SUPT6H: variants seen among roughly 807,000 people sequenced by gnomAD.
SUPT6H encodes SPT6 homolog, histone chaperone and transcription elongation factor, also known as transcription elongation factor SPT6.
In SUPT6H, 11 loss-of-function variants were observed where a neutral mutation model predicts 222.3. That is an observed-to-expected ratio of 0.05 (90% CI 0.03 to 0.08). The LOEUF (loss-of-function observed/expected upper bound fraction) is 0.08, where lower values mean the gene tolerates loss of function less well. Among genes scored for constraint, SUPT6H ranks in the 10% least tolerant of loss-of-function variants. The pLI is 1.00. For synonymous variants in SUPT6H, 762 were observed against 801.2 expected (o/e 0.95, Z 0.83); for missense variants, 1,422 against 2,216.0 (o/e 0.64, Z 7.19).
chr17:28,680,866 C>G (rs2031064410), intron 11 of SUPT6H, among the ~76,000 whole-genome samples: 1 of 152,150 alleles, frequency 6.6e-6, no homozygotes, highest in Non-Finnish European at 1.5e-5. Context: ...CCAGGATGGT[C>G]TCTATCTCCT....
rs111456601 is a variant in SUPT6H at position 28,683,287 on chromosome 17, A to G, written c.1898A>G (p.Tyr633Cys). The G allele has an allele frequency of 5.0e-6, 8 of 1,614,044 alleles. No individual in the cohort carries two copies. The highest frequency in any genetic ancestry group is 1.6e-4 in the Middle Eastern group (1 of 6,084). ...KGRKDVDEAH[Y>C]AYSFKYLKNK... ...GTGCAGGATGTGGATGAGGCCCACT[A>G]TGCCTATTCCTTCAAGTATTTAAAG... The change falls in exon 16 of 37, where the codon TAT (tyrosine) becomes TGT (cysteine). Residue 633 changes from tyrosine (Y) to cysteine (C), a missense_variant. Around this residue, in one of 13 missense-constraint regions of SUPT6H, gnomAD observed 121 missense variants for 158.0 expected, o/e 0.77. Transcript: ENST00000314616.
chr17:28,664,373 C>T (rs778463423), intron 1 of SUPT6H, among the ~76,000 whole-genome samples: 3 of 152,110 alleles, frequency 2.0e-5, no homozygotes, highest in South Asian at 2.1e-4. Flanking sequence ...CCGGGCGTGG[C>T]GACACGCCTG....
chr17:28,687,281 T>A, intron 22 of SUPT6H, 23 bp from the exon 23 acceptor site: 1 of 1,614,152 alleles, frequency 6.2e-7, no homozygotes. Context: ...GTAACCTTAC[T>A]CCTGCCTGCT....
In SUPT6H at chr17:28,686,403, C is replaced by G. The variant is rs774099045; in HGVS notation, c.2552C>G (p.Ala851Gly). Residue 851 changes from alanine to glycine, a missense_variant, in exon 20 of 37, where the codon GCA (alanine) becomes GGA (glycine). Ala to Gly is a moderately conservative substitution (Grantham distance 60). This residue lies in a region of SUPT6H where 294 missense variants were observed against 382.1 expected (regional missense o/e 0.77). Coordinates refer to ENST00000314616, the MANE Select transcript of SUPT6H (RefSeq NM_003170.5). ...AAGAAGCCTCATGTAGTGACAGTTGCAGGAGAGAACAGGTAGGTAGGGATT... is the reference window on the plus strand; with the variant it reads ...AAGAAGCCTCATGTAGTGACAGTTGGAGGAGAGAACAGGTAGGTAGGGATT... ...LNKKPHVVTVAGENRDAQMLI... is the reference protein window; with the variant it reads ...LNKKPHVVTVGGENRDAQMLI... The G allele has an allele frequency of 1.9e-6, 3 of 1,614,130 alleles. No individual in the cohort carries two copies. Among genetic ancestry groups the G allele is most frequent in the Admixed American group, 3.3e-5 (2 of 60,016 alleles).
chr17:28,684,550 T>C (rs375562088), intron 17 of SUPT6H, 36 bp from the exon 18 acceptor site: 111 of 1,612,714 alleles, frequency 6.9e-5, no homozygotes, highest in Non-Finnish European at 9.2e-5. Context: ...CATAATGTCA[T>C]CATGTATGTA....
intron 35 of SUPT6H, 149 bp from the exon 36 acceptor site, chr17:28,700,792 C>T (rs2032099197): frequency 5.7e-6 from 6 of 1,056,890 alleles, no homozygotes; most frequent in Admixed American, 2.3e-5. Flanking sequence ...TGCTGACCTG[C>T]AGGCTTCCCA....
chr17:28,689,027 A>C, intron 24 of SUPT6H: 1 of 218,208 alleles, frequency 4.6e-6, no homozygotes. Context: ...CCCACCCCCC[A>C]GAGATAACTA....
chr17:28,675,262 G>A (rs1201490310), intron 5 of SUPT6H, 100 bp downstream of exon 5: 1 of 1,486,168 alleles, frequency 6.7e-7, no homozygotes, highest in Non-Finnish European at 9.2e-7. Flanking sequence ...ACATCCCCCA[G>A]CATTTGACAC....
At chr17:28,690,051 C>T (rs1332214531) in intron 25 of SUPT6H, 31 bp from the exon 26 acceptor site, 1 of 1,596,628 alleles carries the variant, frequency 6.3e-7, no homozygotes, top group Admixed American at 1.7e-5. Context: ...GGGGCAGCTG[C>T]AAGGCTCTTC....
Position 28,684,835 on chromosome 17 carries a change from G to T in SUPT6H, c.2370-9G>T, listed in dbSNP as rs1414657702. The T allele has an allele frequency of 6.2e-7, 1 of 1,614,052 alleles. No individual in the cohort carries two copies. Among genetic ancestry groups the T allele is most frequent in the South Asian group, 1.1e-5 (1 of 91,062 alleles). On this transcript the variant is annotated splice_polypyrimidine_tract_variant and intron_variant, in intron 18 of 36. Transcript: ENST00000314616. ...TTATTGCATTCTTGTTTTTCTGTCTGTCTGGCAGAGATCACCCTGTGTTCT... is the reference window on the plus strand; with the variant it reads ...TTATTGCATTCTTGTTTTTCTGTCTTTCTGGCAGAGATCACCCTGTGTTCT...
At chr17:28,699,671 CT>C (rs1299184484) in intron 32 of SUPT6H, 109 bp from the exon 33 acceptor site, 1 of 902,294 alleles carries the variant, frequency 1.1e-6, no homozygotes, top group Non-Finnish European at 1.9e-6. Flanking sequence ...GTCATCTCTC[CT>C]TTCCCCTAGC....
At chr17:28,668,205 G>A (rs1483530411) in intron 1 of SUPT6H, among the ~76,000 whole-genome samples, 2 of 152,164 alleles carry the variant, frequency 1.3e-5, no homozygotes, top group Non-Finnish European at 2.9e-5. Context: ...TATTCCAGTT[G>A]CAAATTTAAC....
rs2031396049 is a variant in SUPT6H, at chr17:28,686,660, C to T, written c.2571C>T (p.Ala857=). ...CCAACACTCATCCCACCAGGGACGC[C>T]CAGATGTTGATTGAAGATGTGAAGC... ...VVTVAGENRD[A]QMLIEDVKRI... The change falls in exon 21 of 37, where the codon GCC becomes GCT. Residue 857 remains alanine, a synonymous_variant. Coordinates refer to ENST00000314616, the MANE Select transcript of SUPT6H (RefSeq NM_003170.5). 1.3e-6 allele frequency: 2 copies of T among 1,595,378 alleles called. No individual in the cohort carries two copies. Among genetic ancestry groups the T allele is most frequent in the Non-Finnish European group, 1.7e-6 (2 of 1,172,276 alleles).
chr17:28,699,760 T>G (rs1240479952), intron 32 of SUPT6H, 21 bp from the exon 33 acceptor site: 8 of 1,607,766 alleles, frequency 5.0e-6, no homozygotes, highest in Non-Finnish European at 2.6e-6. Flanking sequence ...TTCTGATGCA[T>G]GTTTCCTTCT....
chr17:28,669,313 T>A (rs1249706797), intron 1 of SUPT6H, among the ~76,000 whole-genome samples: 1 of 152,094 alleles, frequency 6.6e-6, no homozygotes, highest in African/African-American at 2.4e-5. Flanking sequence ...TGCTTCAGCC[T>A]CCTGAATAGC....
At chr17:28,669,831 G>A (rs1184223504) in intron 1 of SUPT6H, among the ~76,000 whole-genome samples, 2 of 152,230 alleles carry the variant, frequency 1.3e-5, no homozygotes, top group Non-Finnish European at 2.9e-5. Flanking sequence ...ACCTACTCGG[G>A]AGGCTGAGGC....
intron 1 of SUPT6H, among the ~76,000 whole-genome samples, chr17:28,664,458 T>C (rs60296141): frequency 0.014 from 2,203 of 152,302 alleles, 41 homozygotes; most frequent in African/African-American, 0.05. Flanking sequence ...TGAGCAGAGA[T>C]CATGCCACTG....
In SUPT6H at chr17:28,697,895, T is replaced by C; in HGVS notation, c.4324-11T>C. On this transcript the variant is annotated splice_polypyrimidine_tract_variant and intron_variant, in intron 31 of 36. Coordinates refer to ENST00000314616, the MANE Select transcript of SUPT6H (RefSeq NM_003170.5). ...TGCTATCCCAACCTCTCCCCCTCAT[T>C]CTACCCCCAGAAATTAGAGGAGCTG... The C allele has an allele frequency of 1.2e-6, 2 of 1,613,618 alleles. No homozygotes were observed. Among genetic ancestry groups the C allele is most frequent in the Non-Finnish European group, 1.7e-6 (2 of 1,179,836 alleles).
At position 28,695,447 on chromosome 17, in the gene SUPT6H, C is replaced by A; in HGVS notation, c.3870C>A (p.Asn1290Lys). Reference protein sequence around the residue: ...TCRTSDLMDRNNEWKLPKDTY... With the variant: ...TCRTSDLMDRKNEWKLPKDTY... ...GCACCTCAGACCTCATGGACAGGAA[C>A]AATGAGTGGAAGCTGCCCAAAGACA... Residue 1290 changes from asparagine to lysine, a missense_variant, in exon 29 of 37, where the codon AAC becomes AAA. By Grantham distance (94) the Asn-to-Lys change is moderately conservative (BLOSUM62 0). Coordinates refer to ENST00000314616, the MANE Select transcript of SUPT6H (RefSeq NM_003170.5). The A allele has an allele frequency of 6.2e-7, 1 of 1,614,124 alleles. No homozygotes were observed. The highest frequency in any genetic ancestry group is 8.5e-7 in the Non-Finnish European group (1 of 1,180,032).
Sources: allele counts gnomAD v4.1 joint callset (sites outside exome capture counted in the v4.1 genomes callset), GRCh38; gene constraint gnomAD v4.1.1; regional missense constraint gnomAD v4.1.1; transcripts MANE v1.5; gene names NCBI Gene and HGNC (gene_info 2026-07-23, HGNC 2026-07-21).